CYBB: variants seen among roughly 807,000 people sequenced by gnomAD.
CYBB encodes NADPH oxidase 2.
In CYBB, 5 loss-of-function variants were observed where a neutral mutation model predicts 46.5. The ratio of observed to expected loss-of-function variants is 0.11; its 90% CI spans 0.06 to 0.23. CYBB has a LOEUF of 0.23. CYBB is among the 10% of genes least tolerant of loss of function. CYBB has a pLI of 1.00. For missense variants in CYBB, 307 were observed against 428.3 expected, an observed-to-expected ratio of 0.72 and a Z score of 2.50; for synonymous variants, 183 against 156.7, an observed-to-expected ratio of 1.17 and a Z score of -1.26.
chrX:37,798,224 C>A (rs1929357379), intron 6 of CYBB: 1 of 111,834 alleles, frequency 8.9e-6, no homozygotes, highest in Admixed American at 9.5e-5. Context: ...AACGTTGGGC[C>A]TTCCTCTCTC....
chrX:37,786,305 C>G (rs1929064850), intron 3 of CYBB, among the ~76,000 whole-genome samples: 1 of 111,615 alleles, frequency 9.0e-6, no homozygotes, highest in East Asian at 2.8e-4. Flanking sequence ...CATTCAAACC[C>G]AGGTCATTGT....
intron 1 of CYBB, among the ~76,000 whole-genome samples, chrX:37,781,228 C>T (rs1164364236): frequency 8.9e-6 from 1 of 112,338 alleles, no homozygotes; most frequent in Non-Finnish European, 1.9e-5. Context: ...TAGCTCTCGC[C>T]ACAATTTTTC....
chrX:37,805,030 C>T lies in CYBB; in HGVS notation c.1176C>T (p.Gly392=). The change falls in exon 10 of 13, where the codon GGC becomes GGT. Residue 392 remains glycine (G), a synonymous_variant. Coordinates refer to ENST00000378588, the MANE Select transcript of CYBB (RefSeq NM_000397.4). ...GGATAGCGGTTGATGGGCCCTTTGG[C>T]ACTGCCAGTGAAGATGTGTTCAGCT... ...LPKIAVDGPF[G]TASEDVFSYE... is the part of the protein sequence containing the mutation. 1 of 1,211,573 alleles carries T rather than the reference C, an allele frequency of 8.3e-7. No homozygotes were observed. The highest frequency in any genetic ancestry group is 1.1e-6 in the Non-Finnish European group (1 of 895,213).
chrX:37,795,845 A>C (rs782076946), intron 5 of CYBB, 106 bp from the exon 6 acceptor site: 12 of 591,322 alleles, frequency 2.0e-5, no homozygotes, highest in Middle Eastern at 5.1e-4. Flanking sequence ...TGGACACTTT[A>C]TAATAGTCCT....
chrX:37,793,528 T>C, intron 4 of CYBB, 137 bp from the exon 5 acceptor site: 1 of 629,167 alleles, frequency 1.6e-6, no homozygotes, highest in Non-Finnish European at 2.6e-6. Flanking sequence ...GACCCAGTTC[T>C]TGTCTATAAG....
rs181291186 is a variant in CYBB at position 37,780,780 on chromosome X, A to G, written c.45+658A>G. On this transcript the variant is annotated intron_variant, in intron 1 of 12. Coordinates refer to ENST00000378588, the MANE Select transcript of CYBB (RefSeq NM_000397.4). ...GGAGAAACTATGTAAGTAAAGATAT[A>G]GCTAATTTACAAGTGGACAGAATGA... is the stretch of plus-strand genomic sequence containing the variant. Among the ~76,000 whole-genome samples the G allele has an allele frequency of 1.2e-4, 13 of 110,883 alleles. No homozygotes were observed. The East Asian group carries it at 3.4e-3, about 29-fold the overall frequency.
rs34189524 is a variant in CYBB at position 37,802,165 on chromosome X, T to C, written c.897+817T>C. ...CAAATTCTTCCTGTCCTCCACCCTA[T>C]CTTTCCTCATTTGCTGTCTATGGTG... On this transcript the variant is annotated intron_variant, in intron 8 of 12. Transcript: ENST00000378588. Among the ~76,000 whole-genome samples, 460 of 111,847 alleles carry C rather than the reference T, an allele frequency of 4.1e-3. 3 individuals carry two copies. The highest frequency in any genetic ancestry group is 0.014 in the African/African-American group (417 of 30,811).
At position 37,790,304 on chromosome X, in the gene CYBB, C is replaced by T. The variant is rs190976438; in HGVS notation, c.253-1671C>T. Among the ~76,000 whole-genome samples the T allele has an allele frequency of 6.2e-3, 688 of 111,441 alleles. 3 individuals are homozygous for T. Among genetic ancestry groups the T allele is most frequent in the African/African-American group, 0.019 (597 of 30,702 alleles). On this transcript the variant is annotated intron_variant, in intron 3 of 12. Transcript: ENST00000378588. ...GACCACCTTCCGGATAGAATACTTA[C>T]ACTTAAATTCTTGTCACAGGTTTCT...
At chrX:37,807,537 C>T (rs1022366715) in intron 11 of CYBB, among the ~76,000 whole-genome samples, 9 of 110,095 alleles carry the variant, frequency 8.2e-5, no homozygotes, top group Non-Finnish European at 1.5e-4. Flanking sequence ...TGAAGTAGCT[C>T]TTATTATTTT....
rs1929297314 is a variant in CYBB, at chrX:37,795,981, A to T, written c.514A>T (p.Thr172Ser). ...NPEGGLYLAV[T>S]LLAGITGVVI... ...TGAAGGAGGCCTGTACCTGGCTGTG[A>T]CCCTGTTGGCAGGCATCACTGGAGT... Residue 172 changes from threonine (T) to serine (S), a missense_variant, in exon 6 of 13, where the codon ACC (threonine) becomes TCC (serine). Physicochemically the swap from Thr to Ser is moderately conservative, Grantham distance 58. Coordinates refer to ENST00000378588, the MANE Select transcript of CYBB (RefSeq NM_000397.4). The T allele has an allele frequency of 8.3e-7, 1 of 1,205,063 alleles. No individual in the cohort carries two copies. The highest frequency in any genetic ancestry group is 1.8e-5 in the African/African-American group (1 of 56,611).
intron 6 of CYBB, among the ~76,000 whole-genome samples, chrX:37,797,113 T>C (rs1929329142): frequency 9.0e-6 from 1 of 110,999 alleles, no homozygotes; most frequent in East Asian, 2.9e-4. Context: ...CAGAGCCCAG[T>C]TGGTGGCCAA....
rs782470761 is a variant in CYBB, at chrX:37,782,588, A to G, written c.141+405A>G. ...TGCATGAAGAGCTCTGCTCCTAATC[A>G]CATGTTATGAAATGATCTTCAGAAA... On this transcript the variant is annotated intron_variant, in intron 2 of 12. Transcript: ENST00000378588. Among the ~76,000 whole-genome samples the G allele has an allele frequency of 3.6e-5, 4 of 112,152 alleles. No homozygotes were observed. The East Asian group carries it at 1.1e-3, about 31-fold the overall frequency.
At chrX:37,804,874 A>G in intron 9 of CYBB, 132 bp from the exon 10 acceptor site, 1 of 682,269 alleles carries the variant, frequency 1.5e-6, no homozygotes. Flanking sequence ...TATTTCATAG[A>G]AGGAAGCACC....
chrX:37,805,221 T>C, intron 10 of CYBB, 53 bp downstream of exon 10: 1 of 1,149,299 alleles, frequency 8.7e-7, no homozygotes, highest in Non-Finnish European at 1.2e-6. Flanking sequence ...TACTCTGCCA[T>C]GTGAGGCCTG....
chrX:37,794,302 G>T (rs1213368435), intron 5 of CYBB, among the ~76,000 whole-genome samples: 1 of 111,639 alleles, frequency 9.0e-6, no homozygotes, highest in Non-Finnish European at 1.9e-5. Flanking sequence ...GTCAGGAATT[G>T]GGGGTAGTTC....
chrX:37,806,475 G>A lies in CYBB; in HGVS notation c.1403G>A (p.Arg468Lys). Reference sequence around the variant, plus strand: ...CTGCTGGAGAGCCAGATGCAGGAAAGGAACAATGCCGGCTTCCTCAGCTAC... The same window carrying A: ...CTGCTGGAGAGCCAGATGCAGGAAAAGAACAATGCCGGCTTCCTCAGCTAC... ...LQLLESQMQE[R>K]NNAGFLSYNI... Residue 468 changes from arginine (R) to lysine (K), a missense_variant, in exon 11 of 13, where the codon AGG becomes AAG. By Grantham distance (26) the Arg-to-Lys change is conservative. Coordinates refer to ENST00000378588, the MANE Select transcript of CYBB (RefSeq NM_000397.4). The A allele has an allele frequency of 8.3e-7, 1 of 1,211,159 alleles. No homozygotes were observed. Among genetic ancestry groups the A allele is most frequent in the South Asian group, 1.8e-5 (1 of 57,005 alleles).
At chrX:37,792,442 T>A (rs1556467244) in intron 4 of CYBB, among the ~76,000 whole-genome samples, 1 of 111,201 alleles carries the variant, frequency 9.0e-6, no homozygotes, top group African/African-American at 3.3e-5. Flanking sequence ...GCAGCAAACC[T>A]ACAGGAGCCA....
At chrX:37,786,208 C>T (rs1177238624) in intron 3 of CYBB, among the ~76,000 whole-genome samples, 1 of 111,508 alleles carries the variant, frequency 9.0e-6, no homozygotes, top group African/African-American at 3.3e-5. Context: ...CATATAGCTG[C>T]CACTCATTGA....
rs34290745 is a variant in CYBB, at chrX:37,805,188, G to T, written c.1314+20G>T. The T allele has an allele frequency of 4.2e-6, 5 of 1,203,787 alleles. No individual in the cohort carries two copies. In the East Asian group the frequency reaches 8.9e-5, roughly 21 times the overall value. On this transcript the variant is annotated intron_variant, in intron 10 of 12. Transcript: ENST00000378588. Reference sequence around the variant, plus strand: ...AAAAAGGTAAGTCCTTTCATTTATCGGAGGGCCTTAGAGCAGTAACCATAC... The same window carrying T: ...AAAAAGGTAAGTCCTTTCATTTATCTGAGGGCCTTAGAGCAGTAACCATAC...
Sources: gnomAD v4.1 joint callset for allele counts (sites outside exome capture counted in the v4.1 genomes callset) on GRCh38, gnomAD v4.1.1 for gene constraint, MANE v1.5 for transcripts, NCBI Gene and HGNC (gene_info 2026-07-23, HGNC 2026-07-21) for gene names.